DNAH6: variants seen among roughly 807,000 people sequenced by gnomAD.
DNAH6 encodes dynein axonemal heavy chain 6.
A neutral mutation model predicts 491.4 loss-of-function variants in DNAH6; 340 were observed. The ratio of observed to expected loss-of-function variants is 0.69; its 90% CI spans 0.63 to 0.76. DNAH6 has a LOEUF of 0.76. DNAH6 is among the 30% of genes least tolerant of loss of function. The probability of loss-of-function intolerance (pLI) is 0.00; values close to 1 mark genes in which losing one functional copy is unlikely to be tolerated. For missense variants in DNAH6, 4,443 were observed against 4,972.2 expected (o/e 0.89, Z 3.20); for synonymous variants, 1,603 against 1,686.1 (o/e 0.95, Z 1.21).
At chr2:84,760,118 GA>G (rs1435918242) in intron 63 of DNAH6, among the ~76,000 whole-genome samples, 1 of 152,128 alleles carries the variant, frequency 6.6e-6, no homozygotes, top group Non-Finnish European at 1.5e-5. Flanking sequence ...GCCATTTGCA[GA>G]AGAATGAAAC....
At chr2:84,548,630 A>G (rs1471167378) in intron 8 of DNAH6, among the ~76,000 whole-genome samples, 2 of 152,110 alleles carry the variant, frequency 1.3e-5, no homozygotes, top group Non-Finnish European at 2.9e-5. Flanking sequence ...GTGATGTCTC[A>G]CTTGAAAAAA....
At position 84,542,391 on chromosome 2, in the gene DNAH6, T is replaced by C. The variant is rs1310406206; in HGVS notation, c.663-1842T>C. ...GAAAAGGAAAGACATGTAAAATGTA[T>C]TCCATATTCCTCACCAGCCCTGTGC... On this transcript the variant is annotated intron_variant, in intron 4 of 76. Coordinates refer to ENST00000389394, the MANE Select transcript of DNAH6 (RefSeq NM_001370.2). 2.0e-5 allele frequency among the ~76,000 whole-genome samples: 3 copies of C among 152,332 alleles called. No homozygotes were observed. In the East Asian group the frequency reaches 5.8e-4, roughly 29 times the overall value.
intron 35 of DNAH6, among the ~76,000 whole-genome samples, chr2:84,656,476 A>G (rs1322868920): frequency 6.6e-6 from 1 of 152,066 alleles, no homozygotes; most frequent in African/African-American, 2.4e-5. Flanking sequence ...TTTGGATTTT[A>G]TGCATTCTAA....
At chr2:84,806,184 A>G (rs1229529059) in intron 71 of DNAH6, among the ~76,000 whole-genome samples, 1 of 152,256 alleles carries the variant, frequency 6.6e-6, no homozygotes, top group Non-Finnish European at 1.5e-5. Context: ...TTCAAGTGCT[A>G]TCATATTGGA....
At chr2:84,695,169 A>C (rs1203795168) in intron 46 of DNAH6, among the ~76,000 whole-genome samples, 2 of 152,198 alleles carry the variant, frequency 1.3e-5, no homozygotes, top group Non-Finnish European at 2.9e-5. Context: ...TGAAAAAGGA[A>C]AAGTCAAGCA....
chr2:84,679,912 T>C (rs1183325575), intron 41 of DNAH6, among the ~76,000 whole-genome samples: 1 of 152,236 alleles, frequency 6.6e-6, no homozygotes, highest in Non-Finnish European at 1.5e-5. Context: ...ACTATTTGTA[T>C]TTGTGTCATG....
chr2:84,674,239 A>G (rs1313961010), intron 40 of DNAH6, among the ~76,000 whole-genome samples: 2 of 152,164 alleles, frequency 1.3e-5, no homozygotes, highest in African/African-American at 4.8e-5. Context: ...GAGTAATGTG[A>G]CTGGTCCAAG....
Position 84,722,770 on chromosome 2 carries a change from C to T in DNAH6, c.9938C>T (p.Pro3313Leu). ...FVIASLSEID[P>L]MYQYSLKYFK... is the part of the protein sequence containing the mutation. ...ATTGCAAGCCTCTCAGAAATAGATC[C>T]TATGTACCAGTACTCATTAAAATAC... The change falls in exon 60 of 77, where the codon CCT (proline) becomes CTT (leucine). Residue 3313 changes from proline to leucine, a missense_variant. Around this residue, in one of 3 missense-constraint regions of DNAH6, gnomAD observed 1,463 missense variants for 1,656.6 expected, o/e 0.88. Transcript: ENST00000389394. 1 of 1,530,634 alleles carries T rather than the reference C, an allele frequency of 6.5e-7. No homozygotes were observed. The highest frequency in any genetic ancestry group is 1.4e-5 in the African/African-American group (1 of 71,646). 94.8% of individuals were successfully genotyped at this position (1,530,634 alleles called of 1,614,324 possible).
chr2:84,593,323 G>A (rs752435220), intron 16 of DNAH6, among the ~76,000 whole-genome samples: 2 of 152,120 alleles, frequency 1.3e-5, no homozygotes, highest in Non-Finnish European at 2.9e-5. Context: ...ACTCTTAATA[G>A]AAGACAAGAC....
the DNAH6 span, among the ~76,000 whole-genome samples, chr2:84,494,841 G>T: frequency 6.6e-6 from 1 of 152,172 alleles, no homozygotes; most frequent in African/African-American, 2.4e-5. Context: ...AATTTAATAT[G>T]AACTGAACCA....
intron 64 of DNAH6, among the ~76,000 whole-genome samples, chr2:84,767,140 G>A (rs1330364661): frequency 1.3e-5 from 2 of 152,094 alleles, no homozygotes; most frequent in East Asian, 1.9e-4. Context: ...ATGGATATAC[G>A]ACATTAATTT....
intron 4 of DNAH6, among the ~76,000 whole-genome samples, chr2:84,538,484 C>T (rs1159381): frequency 4.3e-4 from 65 of 152,216 alleles, no homozygotes; most frequent in Non-Finnish European, 8.5e-4. Context: ...TATGGCGGAG[C>T]CTTCCCCCAA....
At chr2:84,625,604 A>G (rs1687785717) in intron 29 of DNAH6, among the ~76,000 whole-genome samples, 1 of 148,748 alleles carries the variant, frequency 6.7e-6, no homozygotes, top group African/African-American at 2.6e-5. Flanking sequence ...ATTAAGTAAA[A>G]TATGTTTTAT....
chr2:84,683,576 C>T lies in DNAH6; in HGVS notation c.6917-1750C>T, dbSNP rs577656298. On this transcript the variant is annotated intron_variant, in intron 42 of 76. Transcript: ENST00000389394. ...AAGCTTGGATTACAGGTGCACACCA[C>T]CATGCCCAGCTAATTTTTGTATTTT... Among the ~76,000 whole-genome samples the T allele has an allele frequency of 2.0e-5, 3 of 152,062 alleles. No homozygotes were observed. The South Asian group carries it at 6.3e-4, about 32-fold the overall frequency.
intron 70 of DNAH6, among the ~76,000 whole-genome samples, chr2:84,801,181 G>A (rs1288688579): frequency 1.3e-5 from 2 of 148,262 alleles, no homozygotes; most frequent in Non-Finnish European, 3.0e-5. Flanking sequence ...CACCAGCATG[G>A]CACATGTATA....
intron 64 of DNAH6, among the ~76,000 whole-genome samples, chr2:84,770,246 G>A (rs368551689): frequency 1.6e-4 from 24 of 152,242 alleles, no homozygotes; most frequent in South Asian, 1.5e-3. Context: ...AGTGGGGACC[G>A]TCTAATTTCC....
In DNAH6 at chr2:84,707,550, T is replaced by C; in HGVS notation, c.8882T>C (p.Leu2961Pro). Reference sequence around the variant, plus strand: ...ACCATGGCCCTGACAAAAGCACGTCTAGTACGTGCTGGAAAGCTGACAGCA... The same window carrying C: ...ACCATGGCCCTGACAAAAGCACGTCCAGTACGTGCTGGAAAGCTGACAGCA... ...AKTMALTKARLVRAGKLTAAL... is the reference protein window; with the variant it reads ...AKTMALTKARPVRAGKLTAAL... Residue 2961 changes from leucine (L) to proline (P), a missense_variant, in exon 54 of 77, where the codon CTA becomes CCA. Leu to Pro is a moderately conservative substitution (Grantham distance 98). This residue lies in a region of DNAH6 where 1,463 missense variants were observed against 1,656.6 expected (regional missense o/e 0.88). Coordinates refer to ENST00000389394, the MANE Select transcript of DNAH6 (RefSeq NM_001370.2). 1.9e-6 allele frequency: 3 copies of C among 1,551,858 alleles called. No individual in the cohort carries two copies. The highest frequency in any genetic ancestry group is 2.6e-6 in the Non-Finnish European group (3 of 1,146,984).
At chr2:84,495,403 T>G in the DNAH6 span, among the ~76,000 whole-genome samples, 1 of 152,166 alleles carries the variant, frequency 6.6e-6, no homozygotes, top group Non-Finnish European at 1.5e-5. Flanking sequence ...CCTCAGGTGA[T>G]CCATCCACTT....
At chr2:84,793,606 A>G (rs1339496024) in intron 68 of DNAH6, among the ~76,000 whole-genome samples, 1 of 152,158 alleles carries the variant, frequency 6.6e-6, no homozygotes, top group African/African-American at 2.4e-5. Context: ...CACGACAGAG[A>G]TTTAACCCAA....
Sources: gnomAD v4.1 joint callset for allele counts (sites outside exome capture counted in the v4.1 genomes callset) on GRCh38, gnomAD v4.1.1 for gene constraint, gnomAD v4.1.1 regional missense constraint, MANE v1.5 for transcripts, NCBI Gene and HGNC (gene_info 2026-07-23, HGNC 2026-07-21) for gene names.